ARHGEF26: variants seen among roughly 807,000 people sequenced by gnomAD.
ARHGEF26 encodes the protein Rho guanine nucleotide exchange factor 26.
A neutral mutation model predicts 89.4 loss-of-function variants in ARHGEF26; 59 were observed. The observed-to-expected ratio is 0.66, with a 90% confidence interval of 0.54 to 0.82. ARHGEF26 has a LOEUF of 0.82. Ranked by LOEUF, ARHGEF26 falls within the 40% of genes least tolerant of loss-of-function variation. The probability of loss-of-function intolerance (pLI) is 0.00; values close to 1 mark genes in which losing one functional copy is unlikely to be tolerated. For synonymous variants in ARHGEF26, 500 were observed against 428.4 expected (o/e 1.17, Z -2.06); for missense variants, 1,234 against 1,085.6 (o/e 1.14, Z -1.92).
In ARHGEF26 at chr3:154,121,933, C is replaced by A. The variant is rs927978539; in HGVS notation, c.-51-9C>A. ...AGAGGCACAGTTTCCTAACTTCTTT[C>A]CTCTTTAGGCAAGACTAACTCGGTG... On this transcript the variant is annotated splice_polypyrimidine_tract_variant and intron_variant, in intron 1 of 14. Coordinates refer to ENST00000465093, the MANE Select transcript of ARHGEF26 (RefSeq NM_015595.4). 2.3e-5 allele frequency: 35 copies of A among 1,517,064 alleles called. No homozygotes were observed. Among genetic ancestry groups the A allele is most frequent in the Non-Finnish European group, 3.0e-5 (34 of 1,131,498 alleles). 94.0% of individuals were successfully genotyped at this position (1,517,064 alleles called of 1,614,324 possible).
chr3:154,189,209 A>G (rs1210617983), intron 7 of ARHGEF26, among the ~76,000 whole-genome samples: 1 of 152,182 alleles, frequency 6.6e-6, no homozygotes, highest in East Asian at 1.9e-4. Flanking sequence ...AAAAAATGTC[A>G]CTAGGTACTG....
At position 154,256,854 on chromosome 3, in the gene ARHGEF26, A is replaced by ACTT; in HGVS notation, c.*1382_*1384dup. ...TAACTGTGAGTTTCTATAGAACTTT[A>ACTT]CTTTTTCCACTAGTGCACAGAGAGA... On this transcript the variant is annotated 3_prime_UTR_variant, in exon 15 of 15. Coordinates refer to ENST00000465093, the MANE Select transcript of ARHGEF26 (RefSeq NM_015595.4). 1.3e-6 allele frequency: 2 copies of ACTT among 1,533,400 alleles called. No homozygotes were observed. Among genetic ancestry groups the ACTT allele is most frequent in the Non-Finnish European group, 1.7e-6 (2 of 1,145,964 alleles). The allele number at this position is 1,533,400 out of a possible 1,614,324, so 95.0% of individuals were successfully genotyped here.
chr3:154,186,775 A>G (rs1055785553), intron 6 of ARHGEF26, among the ~76,000 whole-genome samples: 2 of 151,972 alleles, frequency 1.3e-5, no homozygotes, highest in Non-Finnish European at 1.5e-5. Flanking sequence ...AGAAAGAAAG[A>G]AAGAGGGAAA....
At chr3:154,121,887 G>A in intron 1 of ARHGEF26, 55 bp from the exon 2 acceptor site, 1 of 1,442,290 alleles carries the variant, frequency 6.9e-7, no homozygotes, top group Non-Finnish European at 9.2e-7. Context: ...ACGCGAGTCG[G>A]CCAGGCGTCC....
At chr3:154,239,293 A>T (rs538786305) in intron 11 of ARHGEF26, among the ~76,000 whole-genome samples, 4,855 of 57,518 alleles carry the variant, frequency 0.084, 97 homozygotes, top group East Asian at 0.24. Context: ...AGAGAGAGAG[A>T]GAGAGAGTGT....
Position 154,240,517 on chromosome 3 carries a change from T to G in ARHGEF26, c.2238T>G (p.Thr746=), listed in dbSNP as rs371687958. Residue 746 remains threonine (T), a synonymous_variant, in exon 12 of 15, where the codon ACT becomes ACG. Transcript: ENST00000465093. ...SRQSSASHLF[T]LTVLSNHANE... ...AGAGCTCTGCCAGTCACCTCTTTAC[T>G]CTGACAGTCCTTAGTAACCACGCGA... 1.2e-6 allele frequency: 2 copies of G among 1,613,220 alleles called. No homozygotes were observed. The highest frequency in any genetic ancestry group is 1.7e-6 in the Non-Finnish European group (2 of 1,179,602).
intron 2 of ARHGEF26, among the ~76,000 whole-genome samples, chr3:154,124,098 T>G (rs908782646): frequency 1.3e-5 from 2 of 152,214 alleles, no homozygotes; most frequent in Non-Finnish European, 2.9e-5. Flanking sequence ...TATAGCAAAG[T>G]TCAATTTAAC....
chr3:154,225,656 A>G (rs971964566), intron 10 of ARHGEF26, 200 bp from the exon 11 acceptor site: 2 of 425,696 alleles, frequency 4.7e-6, no homozygotes, highest in Admixed American at 4.4e-5. Context: ...TTATAGTGGA[A>G]GATATATTGT....
chr3:154,234,967 T>G (rs894679777), intron 11 of ARHGEF26, among the ~76,000 whole-genome samples: 6 of 152,176 alleles, frequency 3.9e-5, no homozygotes, highest in Non-Finnish European at 7.3e-5. Context: ...TTTCACCGTG[T>G]TATCCAGGAT....
At chr3:154,209,622 C>G (rs1191046102) in intron 9 of ARHGEF26, among the ~76,000 whole-genome samples, 1 of 152,216 alleles carries the variant, frequency 6.6e-6, no homozygotes, top group African/African-American at 2.4e-5. Context: ...TGTCTTTGTT[C>G]TGAGTCACCT....
At chr3:154,127,323 A>G (rs1465206689) in intron 3 of ARHGEF26, among the ~76,000 whole-genome samples, 1 of 152,220 alleles carries the variant, frequency 6.6e-6, no homozygotes, top group Non-Finnish European at 1.5e-5. Flanking sequence ...ACTGTACAGA[A>G]ATGTTTTATT....
At chr3:154,231,243 G>C (rs1265600357) in intron 11 of ARHGEF26, among the ~76,000 whole-genome samples, 1 of 152,034 alleles carries the variant, frequency 6.6e-6, no homozygotes, top group Non-Finnish European at 1.5e-5. Flanking sequence ...TTTTTCTTCC[G>C]CTGTCATTTG....
At chr3:154,244,229 A>G (rs534350898) in intron 12 of ARHGEF26, among the ~76,000 whole-genome samples, 1 of 152,344 alleles carries the variant, frequency 6.6e-6, no homozygotes, top group African/African-American at 2.4e-5. Context: ...TGTTGTCACT[A>G]AAGGCCACCT....
chr3:154,200,179 T>G (rs1035887336), intron 9 of ARHGEF26, among the ~76,000 whole-genome samples: 2 of 152,192 alleles, frequency 1.3e-5, no homozygotes, highest in Non-Finnish European at 2.9e-5. Flanking sequence ...CTTGTAGTAC[T>G]TTTATAGTTT....
At chr3:154,134,771 GT>G (rs530965802) in intron 4 of ARHGEF26, among the ~76,000 whole-genome samples, 7,032 of 147,320 alleles carry the variant, frequency 0.048, 180 homozygotes, top group African/African-American at 0.059. Context: ...GTTTATTGAG[GT>G]TTTTTTTTTT....
At chr3:154,159,145 T>C (rs931161024) in intron 6 of ARHGEF26, among the ~76,000 whole-genome samples, 8 of 152,234 alleles carry the variant, frequency 5.3e-5, no homozygotes, top group African/African-American at 1.9e-4. Flanking sequence ...AGATGGGTTT[T>C]TACTCTCAAT....
Position 154,256,566 on chromosome 3 carries a change from A to AC in ARHGEF26, c.*1093_*1094insC, listed in dbSNP as rs1324769840. 3.0e-6 allele frequency: 3 copies of AC among 999,880 alleles called. No homozygotes were observed. The highest frequency in any genetic ancestry group is 1.2e-4 in the Admixed American group (2 of 16,564). The allele number at this position is 999,880 out of a possible 1,614,324, so 61.9% of individuals were successfully genotyped here. A position where few individuals can be genotyped will look rare whatever the true frequency, so the allele number is the denominator to read the frequency against. On this transcript the variant is annotated 3_prime_UTR_variant, in exon 15 of 15. Coordinates refer to ENST00000465093, the MANE Select transcript of ARHGEF26 (RefSeq NM_015595.4). The stretch of plus-strand genomic sequence containing the variant: ...AATTAATTAAAAAAAAAAAAAAAAA[A>AC]AAAAAAAAACCTTCCCAAATGAGCT...
chr3:154,203,176 G>A (rs1381054451), intron 9 of ARHGEF26, among the ~76,000 whole-genome samples: 6 of 152,188 alleles, frequency 3.9e-5, no homozygotes, highest in South Asian at 2.1e-4. Flanking sequence ...ACGTCCCATT[G>A]ATACCTAATT....
At chr3:154,225,359 A>C (rs1301352206) in intron 10 of ARHGEF26, among the ~76,000 whole-genome samples, 1 of 152,168 alleles carries the variant, frequency 6.6e-6, no homozygotes, top group Non-Finnish European at 1.5e-5. Flanking sequence ...ATAAGCATGT[A>C]GGTTTTTTTC....
Sources: allele counts gnomAD v4.1 joint callset (sites outside exome capture counted in the v4.1 genomes callset), GRCh38; gene constraint gnomAD v4.1.1; transcripts MANE v1.5; gene names NCBI Gene and HGNC (gene_info 2026-07-23, HGNC 2026-07-21).